Variants in NFIB observed in about 807,000 individuals in gnomAD.
The protein encoded by NFIB is nuclear factor I B, also known as nuclear factor 1 B-type.
Under a neutral mutation model 61.5 loss-of-function variants are expected in NFIB, and 11 were observed. That is an observed-to-expected ratio of 0.18 (90% CI 0.11 to 0.30). The LOEUF is 0.30. Among genes scored for constraint, NFIB ranks in the 10% least tolerant of loss-of-function variants. The pLI is 1.00. For missense variants in NFIB, 471 were observed against 608.9 expected (o/e 0.77, Z 2.38); for synonymous variants, 260 against 216.5 (o/e 1.20, Z -1.76).
At chr9:14,344,421 A>G (rs2060994958) in intron 1 of NFIB, among the ~76,000 whole-genome samples, 1 of 150,734 alleles carries the variant, frequency 6.6e-6, no homozygotes, top group Non-Finnish European at 1.5e-5. Flanking sequence ...AGGGGGGGGT[A>G]GAGGGAGTTG....
intron 2 of NFIB, among the ~76,000 whole-genome samples, chr9:14,259,238 G>T (rs1370453951): frequency 6.6e-6 from 1 of 152,212 alleles, no homozygotes; most frequent in Admixed American, 6.5e-5. Context: ...GCTTGTGGTG[G>T]TGATGAAAGT....
At chr9:14,116,064 A>T in intron 9 of NFIB, 144 bp downstream of exon 9, 1 of 1,018,254 alleles carries the variant, frequency 9.8e-7, no homozygotes, top group Non-Finnish European at 1.3e-6. Context: ...AGCTCCACTT[A>T]AATGAGAAAT....
chr9:14,184,535 G>A (rs958213717), intron 2 of NFIB, among the ~76,000 whole-genome samples: 2 of 151,922 alleles, frequency 1.3e-5, no homozygotes, highest in African/African-American at 2.4e-5. Context: ...AAATTCTAAT[G>A]TTTTATGGAC....
intron 1 of NFIB, among the ~76,000 whole-genome samples, chr9:14,377,479 AGT>A (rs1257273395): frequency 4.6e-4 from 70 of 152,018 alleles, no homozygotes; most frequent in Non-Finnish European, 8.8e-4. Context: ...AGTCTCCCAA[AGT>A]GCTAGGATTA....
intron 10 of NFIB, among the ~76,000 whole-genome samples, chr9:14,097,909 A>T (rs2035116682): frequency 8.2e-6 from 1 of 121,924 alleles, no homozygotes; most frequent in African/African-American, 3.2e-5. Context: ...CCCTCTCCTG[A>T]CCAACCAGAT....
chr9:14,516,653 C>CT, the NFIB span, among the ~76,000 whole-genome samples: 2 of 152,182 alleles, frequency 1.3e-5, no homozygotes, highest in African/African-American at 4.8e-5. Context: ...TTCCAATACT[C>CT]TAATTAATAC....
intron 1 of NFIB, among the ~76,000 whole-genome samples, chr9:14,321,616 G>A (rs1239910575): frequency 6.6e-6 from 1 of 152,088 alleles, no homozygotes; most frequent in Non-Finnish European, 1.5e-5. Context: ...AGGGGAGAGG[G>A]GCATAAAGCA....
At chr9:14,179,886 G>A in intron 2 of NFIB, 106 bp from the exon 3 acceptor site, 1 of 1,039,064 alleles carries the variant, frequency 9.6e-7, no homozygotes, top group Non-Finnish European at 1.4e-6. Flanking sequence ...AAATGAAGTT[G>A]AGTGCTTAAA....
the NFIB span, among the ~76,000 whole-genome samples, chr9:14,462,915 T>C: frequency 1.7e-4 from 26 of 152,242 alleles, no homozygotes; most frequent in African/African-American, 6.3e-4. Context: ...AGAGACAATG[T>C]CACATTCATT....
In NFIB at chr9:14,084,348, G is replaced by A. The variant is rs1231608937; in HGVS notation, c.*3961C>T. ...CAGTGTACAAATTACTGTCTACAAGGTAGGCGGTTCATTAAGAAGACCTTT... is the reference window on the plus strand; with the variant it reads ...CAGTGTACAAATTACTGTCTACAAGATAGGCGGTTCATTAAGAAGACCTTT... On this transcript the variant is annotated 3_prime_UTR_variant, in exon 11 of 11. Transcript: ENST00000380953. The A allele has an allele frequency of 4.6e-6, 1 of 218,676 alleles. No homozygotes were observed. Among genetic ancestry groups the A allele is most frequent in the African/African-American group, 2.3e-5 (1 of 44,440 alleles). The allele number at this position is 218,676 out of a possible 1,614,324, so 13.5% of individuals were successfully genotyped here.
At chr9:14,425,196 G>C in the NFIB span, among the ~76,000 whole-genome samples, 1 of 152,210 alleles carries the variant, frequency 6.6e-6, no homozygotes, top group Non-Finnish European at 1.5e-5. Context: ...TAAATTGTCA[G>C]CGAGCCTTGC....
chr9:14,322,975 G>C (rs1317233188), intron 1 of NFIB, among the ~76,000 whole-genome samples: 1 of 152,228 alleles, frequency 6.6e-6, no homozygotes, highest in African/African-American at 2.4e-5. Flanking sequence ...GAACCCGGCC[G>C]AAAACGCCGC....
chr9:14,264,473 C>T (rs570404030), intron 2 of NFIB, among the ~76,000 whole-genome samples: 2 of 152,188 alleles, frequency 1.3e-5, no homozygotes, highest in Non-Finnish European at 2.9e-5. Context: ...GGAACCCCTA[C>T]TCTCTGTGCA....
chr9:14,133,495 TGA>T (rs2040645031), intron 6 of NFIB, among the ~76,000 whole-genome samples: 1 of 152,212 alleles, frequency 6.6e-6, no homozygotes, highest in Non-Finnish European at 1.5e-5. Context: ...GTGTGTGGGA[TGA>T]GTTTTGTAGC....
At chr9:14,351,624 A>G (rs538909332) in intron 1 of NFIB, among the ~76,000 whole-genome samples, 7 of 152,306 alleles carry the variant, frequency 4.6e-5, no homozygotes, top group Non-Finnish European at 1.0e-4. Flanking sequence ...TTATTCAGCT[A>G]TCTCCAGCCC....
At chr9:14,176,666 G>A (rs938292811) in intron 3 of NFIB, among the ~76,000 whole-genome samples, 1 of 151,986 alleles carries the variant, frequency 6.6e-6, no homozygotes, top group Non-Finnish European at 1.5e-5. Context: ...CTCAAAGTAA[G>A]AACTAAAGGC....
chr9:14,367,762 A>G (rs932453085), intron 1 of NFIB, among the ~76,000 whole-genome samples: 2 of 152,206 alleles, frequency 1.3e-5, no homozygotes, highest in Admixed American at 6.5e-5. Flanking sequence ...CATCATTCTC[A>G]GCAGACTAAC....
chr9:14,433,775 C>T, the NFIB span, among the ~76,000 whole-genome samples: 1 of 152,166 alleles, frequency 6.6e-6, no homozygotes, highest in East Asian at 1.9e-4. Flanking sequence ...AGGATTAGTG[C>T]ATTAATAAAG....
At chr9:14,165,507 G>A (rs964315670) in intron 3 of NFIB, among the ~76,000 whole-genome samples, 7 of 152,128 alleles carry the variant, frequency 4.6e-5, no homozygotes, top group African/African-American at 1.2e-4. Flanking sequence ...CTATCATTAC[G>A]ATAGAGGAAA....
Sources: allele counts gnomAD v4.1 joint callset (sites outside exome capture counted in the v4.1 genomes callset), GRCh38; gene constraint gnomAD v4.1.1; transcripts MANE v1.5; gene names NCBI Gene and HGNC (gene_info 2026-07-23, HGNC 2026-07-21).